The following PRPF18 variants were observed in gnomAD, a reference collection of about 807,000 sequenced individuals.
PRPF18 encodes pre-mRNA processing factor 18.
A neutral mutation model predicts 46.5 loss-of-function variants in PRPF18; 38 were observed. The ratio of observed to expected loss-of-function variants is 0.82; its 90% confidence interval spans 0.63 to 1.07. PRPF18 has a LOEUF of 1.07. Ranked by LOEUF, PRPF18 falls within the 50% of genes least tolerant of loss-of-function variation. The pLI is 0.00. For missense variants in PRPF18, 263 were observed against 410.0 expected, an observed-to-expected ratio of 0.64 and a Z score of 3.10; for synonymous variants, 152 against 146.7, an observed-to-expected ratio of 1.04 and a Z score of -0.26.
chr10:13,627,325 C>T lies in PRPF18; in HGVS notation c.949-2935C>T, dbSNP rs142886042. On this transcript the variant is annotated intron_variant, in intron 9 of 9. Coordinates refer to ENST00000378572, the MANE Select transcript of PRPF18 (RefSeq NM_003675.4). Reference sequence around the variant, plus strand: ...AGGGTGGGATTTTTTCTGGCTTCTTCGCTACTGTATTTCCAGAGCCTAGAA... The same window carrying T: ...AGGGTGGGATTTTTTCTGGCTTCTTTGCTACTGTATTTCCAGAGCCTAGAA... 1.2e-3 allele frequency among the ~76,000 whole-genome samples: 183 copies of T among 152,212 alleles called. 1 individual carries two copies. The highest frequency in any genetic ancestry group is 4.2e-3 in the African/African-American group (176 of 41,530).
rs140525092 is a variant in PRPF18, at chr10:13,621,383, A to C, written c.948+4830A>C. Among the ~76,000 whole-genome samples, 32 of 152,260 alleles carry C rather than the reference A, an allele frequency of 2.1e-4. No homozygotes were observed. The East Asian group carries it at 5.8e-3, about 28-fold the overall frequency. On this transcript the variant is annotated intron_variant, in intron 9 of 9. Transcript: ENST00000378572. The stretch of plus-strand genomic sequence containing the variant: ...TGAGTTTAGGGTATTGATTTTCCCA[A>C]CTTGCTCCCTGGAGGGGCCCCTAGG...
At chr10:13,605,609 G>T in intron 3 of PRPF18, 22 bp from the exon 4 acceptor site, 6 of 1,499,412 alleles carry the variant, frequency 4.0e-6, no homozygotes, top group Non-Finnish European at 5.4e-6. Flanking sequence ...AAAATTTACT[G>T]GGTATCTGTT....
chr10:13,603,085 G>GT (rs2080136349), intron 3 of PRPF18, among the ~76,000 whole-genome samples: 1 of 152,224 alleles, frequency 6.6e-6, no homozygotes, highest in South Asian at 2.1e-4. Flanking sequence ...AGACGACGTA[G>GT]TTTTAAGAAG....
At chr10:13,649,354 G>A in the PRPF18 span, 1 of 127,386 alleles carries the variant, frequency 7.9e-6, no homozygotes, top group Non-Finnish European at 1.9e-5. Flanking sequence ...GAGCCTAACT[G>A]TTGGCTGGCC....
At position 13,610,354 on chromosome 10, in the gene PRPF18, C is replaced by T. The variant is rs2080253001; in HGVS notation, c.510+169C>T. ...ACTCCCCTTTTTCTCATCCTCCACT[C>T]ACATTCCCCTACTTCCTGCCTTCAA... On this transcript the variant is annotated intron_variant, in intron 5 of 9. Transcript: ENST00000378572. Among the ~76,000 whole-genome samples the T allele has an allele frequency of 2.0e-5, 3 of 152,198 alleles. No homozygotes were observed. In the South Asian group the frequency reaches 6.2e-4, roughly 32 times the overall value.
At chr10:13,609,708 G>T (rs565077708) in intron 4 of PRPF18, among the ~76,000 whole-genome samples, 161 of 152,344 alleles carry the variant, frequency 1.1e-3, no homozygotes, top group African/African-American at 3.7e-3. Flanking sequence ...CTCTAATGGA[G>T]ACCTGCCACT....
chr10:13,628,671 G>A (rs1235206179), intron 9 of PRPF18, among the ~76,000 whole-genome samples: 2 of 152,082 alleles, frequency 1.3e-5, no homozygotes, highest in African/African-American at 4.8e-5. Flanking sequence ...CTTACTATGG[G>A]ACCAATGAGA....
the PRPF18 span, chr10:13,649,482 TCAGGTGGCTCCTAGAGGAGCCG>T: frequency 1.6e-5 from 2 of 128,578 alleles, no homozygotes; most frequent in Non-Finnish European, 3.7e-5. Flanking sequence ...GGTTTGGTTC[TCAGGTGGCTCCTAGAGGAGCCG>T]CAGTATGGAA....
downstream of PRPF18, chr10:13,632,798 T>A (rs1267871929): frequency 6.6e-6 from 1 of 152,226 alleles, no homozygotes; most frequent in East Asian, 1.9e-4. Flanking sequence ...TTCCCCAATT[T>A]CCAAATCGTG....
chr10:13,591,940 T>C, intron 1 of PRPF18: 1 of 1,338,078 alleles, frequency 7.5e-7, no homozygotes, highest in Non-Finnish European at 1.0e-6. Context: ...TTTTTTTTTT[T>C]TTTGCCATGG....
intron 1 of PRPF18, among the ~76,000 whole-genome samples, chr10:13,596,342 A>G (rs1283603673): frequency 2.0e-5 from 3 of 152,230 alleles, no homozygotes; most frequent in Non-Finnish European, 4.4e-5. Context: ...TAGGTGGTAC[A>G]TAATCTTTTA....
At chr10:13,628,987 GA>G (rs757700153) in intron 9 of PRPF18, among the ~76,000 whole-genome samples, 42 of 152,268 alleles carry the variant, frequency 2.8e-4, no homozygotes, top group Admixed American at 5.2e-4. Flanking sequence ...TGGTGGATGA[GA>G]AAGCTAAGAA....
downstream of PRPF18, among the ~76,000 whole-genome samples, chr10:13,633,429 C>T (rs1182858038): frequency 1.3e-5 from 2 of 152,146 alleles, no homozygotes; most frequent in East Asian, 3.8e-4. Flanking sequence ...AATGCAACCA[C>T]CTTTTTGTTG....
intron 8 of PRPF18, among the ~76,000 whole-genome samples, chr10:13,615,042 C>T (rs75868629): frequency 0.011 from 1,687 of 152,302 alleles, 33 homozygotes; most frequent in African/African-American, 0.039. Flanking sequence ...GAGGTTCCTG[C>T]AGTGATTTTA....
At chr10:13,602,128 C>T (rs1450754669) in intron 3 of PRPF18, among the ~76,000 whole-genome samples, 3 of 152,182 alleles carry the variant, frequency 2.0e-5, no homozygotes, top group Non-Finnish European at 4.4e-5. Context: ...TTTCTGTCAA[C>T]TCTTTATTTT....
chr10:13,631,151 A>C (rs1240425279), downstream of PRPF18: 1 of 152,298 alleles, frequency 6.6e-6, no homozygotes, highest in East Asian at 1.9e-4. Context: ...CCGCCAACAG[A>C]GGAGGAAGGT....
the PRPF18 span, chr10:13,639,592 C>T: frequency 1.3e-5 from 2 of 151,802 alleles, no homozygotes; most frequent in Non-Finnish European, 2.9e-5. Flanking sequence ...ATTAGTTTGT[C>T]TTAAATATTA....
At chr10:13,587,967 C>A (rs932753893) in intron 1 of PRPF18, among the ~76,000 whole-genome samples, 2 of 152,156 alleles carry the variant, frequency 1.3e-5, no homozygotes, top group Non-Finnish European at 2.9e-5. Flanking sequence ...AAACCCGAGG[C>A]TTTGTTTGTT....
intron 9 of PRPF18, among the ~76,000 whole-genome samples, chr10:13,619,624 C>T (rs2080395288): frequency 6.6e-6 from 1 of 152,146 alleles, no homozygotes; most frequent in Non-Finnish European, 1.5e-5. Context: ...CTTCTGTCTT[C>T]CACTTTCCTA....
Sources: allele counts gnomAD v4.1 joint callset (sites outside exome capture counted in the v4.1 genomes callset), GRCh38; gene constraint gnomAD v4.1.1; transcripts MANE v1.5; gene names NCBI Gene and HGNC (gene_info 2026-07-23, HGNC 2026-07-21).